The following SEZ6L variants were observed in gnomAD, a reference collection of about 807,000 sequenced individuals.
SEZ6L encodes seizure 6-like protein.
SEZ6L carries 37 observed loss-of-function variants against 106.2 expected under a neutral mutation model. The ratio of observed to expected loss-of-function variants is 0.35; its 90% confidence interval spans 0.27 to 0.46. The LOEUF (loss-of-function observed/expected upper bound fraction) is 0.46, where lower values mean the gene tolerates loss of function less well. SEZ6L is among the 20% of genes least tolerant of loss of function. SEZ6L has a pLI of 1.00. For missense variants in SEZ6L, 1,172 were observed against 1,332.8 expected, an observed-to-expected ratio of 0.88 and a Z score of 1.88; for synonymous variants, 541 against 570.4, an observed-to-expected ratio of 0.95 and a Z score of 0.73.
At chr22:26,289,808 G>A (rs1300385915) in intron 1 of SEZ6L, among the ~76,000 whole-genome samples, 1 of 152,216 alleles carries the variant, frequency 6.6e-6, no homozygotes, top group Non-Finnish European at 1.5e-5. Flanking sequence ...GGAGGGCCTG[G>A]AGACTGTAGC....
intron 3 of SEZ6L, 95 bp from the exon 4 acceptor site, chr22:26,296,793 C>A: frequency 8.8e-7 from 1 of 1,134,838 alleles, no homozygotes; most frequent in Non-Finnish European, 1.2e-6. Context: ...CTAGCAGTAC[C>A]TGGGCCACTT....
At chr22:26,294,177 C>T in intron 2 of SEZ6L, 115 bp from the exon 3 acceptor site, 2 of 915,784 alleles carry the variant, frequency 2.2e-6, no homozygotes, top group Non-Finnish European at 3.4e-6. Context: ...AGCAGAAGGA[C>T]AGATGGGAAC....
At chr22:26,194,579 A>G (rs1345848138) in intron 1 of SEZ6L, among the ~76,000 whole-genome samples, 1 of 152,230 alleles carries the variant, frequency 6.6e-6, no homozygotes, top group Non-Finnish European at 1.5e-5. Flanking sequence ...CAATGAATCA[A>G]CCATTGGACA....
chr22:26,207,489 A>G (rs776848214), intron 1 of SEZ6L, among the ~76,000 whole-genome samples: 12 of 152,234 alleles, frequency 7.9e-5, no homozygotes, highest in Non-Finnish European at 1.8e-4. Flanking sequence ...ATAAGTCCTT[A>G]ACAAATGTTA....
rs531579856 is a variant in SEZ6L at position 26,328,615 on chromosome 22, G to A, written c.2016-11821G>A. ...TTATCGGTGACCTTGCCAGAGCCTC[G>A]CCCACTGCCTTCGGAAATGGCTCAG... On this transcript the variant is annotated intron_variant, in intron 9 of 16. Coordinates refer to ENST00000248933, the MANE Select transcript of SEZ6L (RefSeq NM_021115.5). Among the ~76,000 whole-genome samples, 229 of 152,068 alleles carry A rather than the reference G, an allele frequency of 1.5e-3. 1 individual carries two copies. The highest frequency in any genetic ancestry group is 3.5e-3 in the Admixed American group (53 of 15,278).
chr22:26,287,928 T>A (rs1183938447), intron 1 of SEZ6L, among the ~76,000 whole-genome samples: 1 of 152,248 alleles, frequency 6.6e-6, no homozygotes, highest in Non-Finnish European at 1.5e-5. Flanking sequence ...GGTCAGGTTT[T>A]CAGTGGGAAA....
At chr22:26,314,597 G>GAAA (rs71695224) in intron 9 of SEZ6L, among the ~76,000 whole-genome samples, 81 of 152,016 alleles carry the variant, frequency 5.3e-4, no homozygotes, top group Non-Finnish European at 7.2e-4. Flanking sequence ...ATTGCTGAAT[G>GAAA]AAAAAAAATG....
intron 1 of SEZ6L, among the ~76,000 whole-genome samples, chr22:26,211,483 G>A (rs2078155927): frequency 6.6e-6 from 1 of 152,142 alleles, no homozygotes; most frequent in South Asian, 2.1e-4. Flanking sequence ...TGCCCACACT[G>A]CTACTCCATT....
Position 26,311,781 on chromosome 22 carries a change from C to G in SEZ6L, c.1695C>G (p.Gly565=), listed in dbSNP as rs2081840850. 6.2e-7 allele frequency: 1 copy of G among 1,613,920 alleles called. No individual in the cohort carries two copies. The highest frequency in any genetic ancestry group is 1.3e-5 in the African/African-American group (1 of 74,926). ...TCCCTTCCTCAGCGTTTGAGAAAGG[C>G]CACTGCTATGAGCCCTACATCCAGA... ...FNIRFEAFEK[G]HCYEPYIQNG... The change falls in exon 8 of 17, where the codon GGC becomes GGG. Residue 565 remains glycine (G), a synonymous_variant. Coordinates refer to ENST00000248933, the MANE Select transcript of SEZ6L (RefSeq NM_021115.5).
At chr22:26,232,511 A>G (rs1173360028) in intron 1 of SEZ6L, among the ~76,000 whole-genome samples, 3 of 152,194 alleles carry the variant, frequency 2.0e-5, no homozygotes, top group Non-Finnish European at 2.9e-5. Context: ...CATTTCAGTC[A>G]AGACAGCCCA....
chr22:26,261,579 A>G (rs2145818779), intron 1 of SEZ6L, among the ~76,000 whole-genome samples: 1 of 152,334 alleles, frequency 6.6e-6, no homozygotes, highest in Non-Finnish European at 1.5e-5. Context: ...CAGAGGGTAT[A>G]GAGATGAATC....
At chr22:26,331,834 T>C (rs1273340691) in intron 9 of SEZ6L, among the ~76,000 whole-genome samples, 3 of 151,882 alleles carry the variant, frequency 2.0e-5, no homozygotes, top group Non-Finnish European at 4.4e-5. Context: ...AACACAAAAA[T>C]TAGCCAGGCA....
intron 9 of SEZ6L, among the ~76,000 whole-genome samples, chr22:26,332,147 G>GT (rs752520660): frequency 0.062 from 7,018 of 113,978 alleles, 868 homozygotes; most frequent in African/African-American, 0.21. Context: ...GATTTTCAAT[G>GT]TTTTTTTTTT....
chr22:26,186,348 A>T (rs1601972856), intron 1 of SEZ6L, among the ~76,000 whole-genome samples: 1 of 152,178 alleles, frequency 6.6e-6, no homozygotes, highest in African/African-American at 2.4e-5. Context: ...CAGTTGTTAT[A>T]CTTGTTAGAG....
chr22:26,371,108 G>A lies in SEZ6L; in HGVS notation c.2795-2343G>A, dbSNP rs535960911. Among the ~76,000 whole-genome samples the A allele has an allele frequency of 4.2e-4, 64 of 151,398 alleles. No homozygotes were observed. In the South Asian group the frequency reaches 0.011, roughly 27 times the overall value. ...ATGTTATTTTTTTTATTTGCCACCC[G>A]TCATTCCACACTTTGCTTGTTCCCC... On this transcript the variant is annotated intron_variant, in intron 13 of 16. Coordinates refer to ENST00000248933, the MANE Select transcript of SEZ6L (RefSeq NM_021115.5).
Position 26,190,123 on chromosome 22 carries a change from A to G in SEZ6L, c.94+20360A>G, listed in dbSNP as rs971335047. 3.3e-5 allele frequency among the ~76,000 whole-genome samples: 5 copies of G among 151,842 alleles called. 1 individual carries two copies. In the South Asian group the frequency reaches 1.0e-3, roughly 32 times the overall value. On this transcript the variant is annotated intron_variant, in intron 1 of 16. Transcript: ENST00000248933. Reference sequence around the variant, plus strand: ...AAAAAAAAAAGAAGAAAGAAAAGAAAAAAGAAAAGAAAAGAAAAACTTCCA... The same window carrying G: ...AAAAAAAAAAGAAGAAAGAAAAGAAGAAAGAAAAGAAAAGAAAAACTTCCA...
chr22:26,376,114 A>T (rs635799), intron 15 of SEZ6L, among the ~76,000 whole-genome samples: 108,458 of 151,906 alleles, frequency 0.71, 39,110 homozygotes, highest in East Asian at 0.98. Flanking sequence ...TAAACCATGC[A>T]CCAGAATAGC....
intron 9 of SEZ6L, among the ~76,000 whole-genome samples, chr22:26,326,888 G>C (rs1039341609): frequency 5.9e-5 from 9 of 152,234 alleles, no homozygotes; most frequent in Non-Finnish European, 8.8e-5. Context: ...CCCCTCTGGG[G>C]CCTTCCGGGG....
At chr22:26,219,820 A>G (rs2078410630) in intron 1 of SEZ6L, among the ~76,000 whole-genome samples, 1 of 152,196 alleles carries the variant, frequency 6.6e-6, no homozygotes, top group Non-Finnish European at 1.5e-5. Context: ...GAGGGAGAGT[A>G]TCAGGATAAA....
Sources: gnomAD v4.1 joint callset for allele counts (sites outside exome capture counted in the v4.1 genomes callset) on GRCh38, gnomAD v4.1.1 for gene constraint, MANE v1.5 for transcripts, NCBI Gene and HGNC (gene_info 2026-07-23, HGNC 2026-07-21) for gene names.